Variants in FBXL17 observed in about 807,000 individuals in gnomAD.
FBXL17 encodes F-box/LRR-repeat protein 17.
FBXL17 carries 22 observed loss-of-function variants against 66.2 expected under a neutral mutation model. The ratio of observed to expected loss-of-function variants is 0.33; its 90% CI spans 0.24 to 0.47. The LOEUF is 0.47. Ranked by LOEUF, FBXL17 falls within the 20% of genes least tolerant of loss-of-function variation. FBXL17 has a pLI of 1.00. For missense variants in FBXL17, 878 were observed against 948.2 expected (o/e 0.93, Z 0.97); for synonymous variants, 474 against 400.5 (o/e 1.18, Z -2.19).
At chr5:108,188,151 C>T (rs533129049) in intron 5 of FBXL17, among the ~76,000 whole-genome samples, 80 of 152,016 alleles carry the variant, frequency 5.3e-4, no homozygotes, top group African/African-American at 1.9e-3. Context: ...AGGTAAATTG[C>T]CAGGCAGTAC....
intron 6 of FBXL17, among the ~76,000 whole-genome samples, chr5:108,130,374 T>C (rs1306124974): frequency 6.6e-6 from 1 of 151,980 alleles, no homozygotes; most frequent in African/African-American, 2.4e-5. Flanking sequence ...AAAATAATAA[T>C]GATATTCAAA....
At chr5:108,090,002 G>A (rs371471172) in intron 6 of FBXL17, among the ~76,000 whole-genome samples, 5 of 151,804 alleles carry the variant, frequency 3.3e-5, no homozygotes, top group East Asian at 1.9e-4. Context: ...TAATTTTTGC[G>A]TTTTTTGTAG....
At position 107,962,839 on chromosome 5, in the gene FBXL17, T is replaced by C. The variant is rs971744554; in HGVS notation, c.1822+58086A>G. Among the ~76,000 whole-genome samples the C allele has an allele frequency of 3.3e-5, 5 of 152,198 alleles. No homozygotes were observed. In the South Asian group the frequency reaches 6.2e-4, roughly 19 times the overall value. The stretch of plus-strand genomic sequence containing the variant: ...GACTTCAGTTATTTCATGATCTATA[T>C]AGAAGTCTTTGTAGATGTGCCCAAA... On this transcript the variant is annotated intron_variant, in intron 7 of 8. Transcript: ENST00000542267.
intron 6 of FBXL17, among the ~76,000 whole-genome samples, chr5:108,043,935 T>C (rs1192729179): frequency 2.6e-5 from 4 of 152,206 alleles, no homozygotes; most frequent in Non-Finnish European, 4.4e-5. Flanking sequence ...ATTGGTTTAC[T>C]TCTTTATTTT....
intron 4 of FBXL17, among the ~76,000 whole-genome samples, chr5:108,235,201 A>G (rs61201760): frequency 0.05 from 7,575 of 152,232 alleles, 629 homozygotes; most frequent in African/African-American, 0.17. Context: ...ACCAAACAAT[A>G]TAACAGTATT....
chr5:108,002,976 T>A (rs999343921), intron 7 of FBXL17, among the ~76,000 whole-genome samples: 3 of 152,222 alleles, frequency 2.0e-5, no homozygotes, highest in African/African-American at 7.2e-5. Context: ...AACTGAATTG[T>A]GATGATTTCA....
At chr5:107,955,183 A>AT (rs2112615367) in intron 7 of FBXL17, among the ~76,000 whole-genome samples, 1 of 152,186 alleles carries the variant, frequency 6.6e-6, no homozygotes, top group East Asian at 1.9e-4. Flanking sequence ...TAATAGAATA[A>AT]TTTTTATAAA....
intron 6 of FBXL17, among the ~76,000 whole-genome samples, chr5:108,159,985 T>C (rs965389695): frequency 6.6e-6 from 1 of 150,650 alleles, no homozygotes; most frequent in East Asian, 2.0e-4. Context: ...TGCAATAGTA[T>C]ACAATGCATG....
At chr5:107,896,860 T>C (rs1015132070) in intron 7 of FBXL17, among the ~76,000 whole-genome samples, 2 of 152,112 alleles carry the variant, frequency 1.3e-5, no homozygotes, top group Admixed American at 6.6e-5. Flanking sequence ...TTTGGCATTT[T>C]TTTTGTGAAA....
chr5:107,915,551 A>G (rs1750100254), intron 7 of FBXL17, among the ~76,000 whole-genome samples: 1 of 152,230 alleles, frequency 6.6e-6, no homozygotes, highest in Non-Finnish European at 1.5e-5. Context: ...AACTTATGAA[A>G]GTAATGAGAT....
Position 108,295,841 on chromosome 5 carries a change from A to AT in FBXL17, c.1506+52557dup. ...GCTTAAGGTCAACTGGAACAAGACT[A>AT]TAAAGTTCTAGCGAGTGACATTCTA... is the stretch of plus-strand genomic sequence containing the variant. On this transcript the variant is annotated intron_variant, in intron 4 of 8. Coordinates refer to ENST00000542267, the MANE Select transcript of FBXL17 (RefSeq NM_001163315.3). 3.3e-5 allele frequency among the ~76,000 whole-genome samples: 5 copies of AT among 151,978 alleles called. 2 individuals are homozygous for AT. Among genetic ancestry groups the AT allele is most frequent in the African/African-American group, 1.2e-4 (5 of 41,524 alleles).
At chr5:108,130,394 A>C (rs886397470) in intron 6 of FBXL17, among the ~76,000 whole-genome samples, 6 of 151,996 alleles carry the variant, frequency 3.9e-5, no homozygotes, top group Non-Finnish European at 7.4e-5. Context: ...AAGTATCTGG[A>C]TATAGTAATA....
intron 7 of FBXL17, among the ~76,000 whole-genome samples, chr5:108,012,709 A>G (rs1046554786): frequency 6.6e-6 from 1 of 152,154 alleles, no homozygotes; most frequent in African/African-American, 2.4e-5. Flanking sequence ...CATGTCTACA[A>G]CTTGAATAAT....
chr5:107,861,913 G>A lies in FBXL17; in HGVS notation c.1966-53C>T, dbSNP rs765651716. Reference sequence around the variant, plus strand: ...GCACAGAGACCACCAACACCACGCCGCTGCCCACGCTCACTGATGTGCTGC... The same window carrying A: ...GCACAGAGACCACCAACACCACGCCACTGCCCACGCTCACTGATGTGCTGC... On this transcript the variant is annotated intron_variant, in intron 8 of 8. Coordinates refer to ENST00000542267, the MANE Select transcript of FBXL17 (RefSeq NM_001163315.3). 660 of 1,407,754 alleles carry A rather than the reference G, an allele frequency of 4.7e-4. No individual in the cohort carries two copies. In the Middle Eastern group the frequency reaches 5.2e-3, roughly 11 times the overall value. The allele number at this position is 1,407,754 out of a possible 1,614,324, so 87.2% of individuals were successfully genotyped here.
intron 7 of FBXL17, among the ~76,000 whole-genome samples, chr5:107,891,834 T>C (rs1221819497): frequency 3.3e-5 from 5 of 152,158 alleles, no homozygotes; most frequent in Non-Finnish European, 4.4e-5. Flanking sequence ...TGCGTCATCA[T>C]TGACTAGCTG....
chr5:107,868,341 A>G (rs957426514), intron 8 of FBXL17, among the ~76,000 whole-genome samples: 3 of 152,248 alleles, frequency 2.0e-5, no homozygotes, highest in Admixed American at 2.0e-4. Flanking sequence ...ATATAAATAC[A>G]TTTCAAAGTC....
At chr5:107,875,949 C>A (rs17370371) in intron 8 of FBXL17, among the ~76,000 whole-genome samples, 1 of 152,190 alleles carries the variant, frequency 6.6e-6, no homozygotes, top group Non-Finnish European at 1.5e-5. Flanking sequence ...CTTTTCTGGG[C>A]GGGCTCTTCA....
At chr5:108,025,278 A>C (rs1561373542) in intron 6 of FBXL17, among the ~76,000 whole-genome samples, 1 of 152,110 alleles carries the variant, frequency 6.6e-6, no homozygotes, top group East Asian at 1.9e-4. Flanking sequence ...TGTGAAAAGA[A>C]ATGTCCCCAG....
intron 5 of FBXL17, among the ~76,000 whole-genome samples, chr5:108,188,566 G>C (rs1261833400): frequency 2.0e-5 from 3 of 152,190 alleles, no homozygotes; most frequent in African/African-American, 7.2e-5. Flanking sequence ...AAGGGTTTTA[G>C]CAACATCAGA....
Sources: allele counts gnomAD v4.1 joint callset (sites outside exome capture counted in the v4.1 genomes callset), GRCh38; gene constraint gnomAD v4.1.1; transcripts MANE v1.5; gene names NCBI Gene and HGNC (gene_info 2026-07-23, HGNC 2026-07-21).